Variants in MACROD2 observed in about 807,000 individuals in gnomAD.
The protein encoded by MACROD2 is ADP-ribose glycohydrolase MACROD2.
Under a neutral mutation model 70.4 loss-of-function variants are expected in MACROD2, and 36 were observed. That is an observed-to-expected ratio of 0.51 (90% CI 0.39 to 0.68). The LOEUF (loss-of-function observed/expected upper bound fraction) is 0.68, where lower values mean the gene tolerates loss of function less well. Among genes scored for constraint, MACROD2 ranks in the 30% least tolerant of loss-of-function variants. The pLI is 0.00. For synonymous variants in MACROD2, 172 were observed against 178.8 expected (o/e 0.96, Z 0.30); for missense variants, 496 against 538.4 (o/e 0.92, Z 0.78).
chr20:14,576,344 C>G (rs1378334731), intron 4 of MACROD2, among the ~76,000 whole-genome samples: 3 of 152,180 alleles, frequency 2.0e-5, no homozygotes, highest in African/African-American at 7.2e-5. Flanking sequence ...GCATGAACCA[C>G]AAAGCCCTGC....
chr20:15,913,197 C>G (rs1418260410), intron 10 of MACROD2, among the ~76,000 whole-genome samples: 1 of 151,616 alleles, frequency 6.6e-6, no homozygotes, highest in East Asian at 1.9e-4. Context: ...AATAGATATC[C>G]ATTGTCCCTC....
At chr20:14,901,833 G>T (rs183499715) in intron 5 of MACROD2, among the ~76,000 whole-genome samples, 211 of 152,104 alleles carry the variant, frequency 1.4e-3, no homozygotes, top group African/African-American at 4.7e-3. Context: ...GGTTCTTTAG[G>T]GCTATAGGAT....
chr20:15,443,541 T>C (rs953454576), intron 7 of MACROD2, among the ~76,000 whole-genome samples: 1 of 152,156 alleles, frequency 6.6e-6, no homozygotes, highest in African/African-American at 2.4e-5. Context: ...TTTCTAAATG[T>C]TTTAAATGAA....
At chr20:14,599,079 A>G (rs964095046) in intron 4 of MACROD2, among the ~76,000 whole-genome samples, 2 of 152,162 alleles carry the variant, frequency 1.3e-5, no homozygotes, top group Non-Finnish European at 2.9e-5. Flanking sequence ...AGGGTGAGGC[A>G]TTAACCATCT....
At chr20:15,345,166 G>A (rs904110385) in intron 6 of MACROD2, among the ~76,000 whole-genome samples, 7 of 152,254 alleles carry the variant, frequency 4.6e-5, no homozygotes, top group Admixed American at 2.0e-4. Context: ...GAAAGGGCCC[G>A]CCTTCTAATG....
intron 4 of MACROD2, among the ~76,000 whole-genome samples, chr20:14,513,869 C>G (rs1196702442): frequency 6.6e-6 from 1 of 151,918 alleles, no homozygotes; most frequent in African/African-American, 2.4e-5. Flanking sequence ...TAATGGGATG[C>G]TATTAAATTT....
intron 15 of MACROD2, among the ~76,000 whole-genome samples, chr20:15,995,877 GTA>G (rs1446699323): frequency 3.6e-5 from 5 of 137,402 alleles, no homozygotes; most frequent in Non-Finnish European, 8.0e-5. Context: ...GTGTGTGTGT[GTA>G]TGTGTGTGTC....
chr20:14,255,930 G>A (rs1297223317), intron 3 of MACROD2, among the ~76,000 whole-genome samples: 2 of 151,450 alleles, frequency 1.3e-5, no homozygotes, highest in African/African-American at 4.8e-5. Flanking sequence ...TCTTTTTGCA[G>A]TATTTCATAG....
intron 4 of MACROD2, among the ~76,000 whole-genome samples, chr20:14,613,886 A>T (rs948376401): frequency 1.3e-5 from 2 of 152,124 alleles, no homozygotes; most frequent in Admixed American, 1.3e-4. Context: ...CTGCCTATGT[A>T]AACCCATCGT....
At chr20:15,593,500 T>G (rs898224362) in intron 8 of MACROD2, among the ~76,000 whole-genome samples, 4 of 152,024 alleles carry the variant, frequency 2.6e-5, no homozygotes, top group Non-Finnish European at 5.9e-5. Context: ...AAGGCAGACA[T>G]TATTGTTTTT....
Position 15,070,587 on chromosome 20 carries a change from C to T in MACROD2, c.419-159353C>T, listed in dbSNP as rs555199219. On this transcript the variant is annotated intron_variant, in intron 5 of 17. Transcript: ENST00000684519. ...TGGTGTCCTCCCCATAGTTTCAGTT[C>T]ATGCAAGAGTTACTTGTTTAAAAGA... Among the ~76,000 whole-genome samples, 290 of 152,218 alleles carry T rather than the reference C, an allele frequency of 1.9e-3. 3 individuals are homozygous for T. The highest frequency in any genetic ancestry group is 9.7e-4 in the East Asian group (5 of 5,168).
rs922847291 is a variant in MACROD2, at chr20:16,052,191, T to C, written c.*2315T>C. 19 of 152,364 alleles carry C rather than the reference T, an allele frequency of 1.2e-4. No homozygotes were observed. The highest frequency in any genetic ancestry group is 4.6e-4 in the African/African-American group (19 of 41,588). The allele number at this position is 152,364 out of a possible 1,614,324, so 9.4% of individuals were successfully genotyped here. ...TTGCTTTGTCATGCTTTTTGGTTGT[T>C]ATTTGGCTATACAGTTTTATGCTTT... On this transcript the variant is annotated 3_prime_UTR_variant, in exon 18 of 18. Transcript: ENST00000684519.
rs576787309 is a variant in MACROD2, at chr20:14,496,453, G to T, written c.301+2945G>T. On this transcript the variant is annotated intron_variant, in intron 4 of 17. Transcript: ENST00000684519. ...TTAGCATTTTGTTGTTCTTTTCTGA[G>T]TGCTTACCACCAATAAGACTGATCC... Among the ~76,000 whole-genome samples the T allele has an allele frequency of 1.1e-4, 17 of 152,202 alleles. No individual in the cohort carries two copies. In the South Asian group the frequency reaches 3.5e-3, roughly 32 times the overall value.
intron 6 of MACROD2, among the ~76,000 whole-genome samples, chr20:15,422,233 T>A (rs971843482): frequency 2.6e-5 from 4 of 152,130 alleles, no homozygotes; most frequent in Non-Finnish European, 5.9e-5. Flanking sequence ...CTATTTAGTC[T>A]TTAAAATGTA....
intron 4 of MACROD2, among the ~76,000 whole-genome samples, chr20:14,548,168 G>A (rs1376047258): frequency 2.6e-5 from 4 of 152,278 alleles, no homozygotes; most frequent in African/African-American, 7.2e-5. Flanking sequence ...TTCACATTTT[G>A]TATCTGACTT....
chr20:14,258,372 C>T (rs979998831), intron 3 of MACROD2, among the ~76,000 whole-genome samples: 2 of 140,528 alleles, frequency 1.4e-5, no homozygotes, highest in Non-Finnish European at 3.0e-5. Context: ...TTCACCACAT[C>T]CTTGCCAACA....
At chr20:15,203,465 T>C (rs1381899781) in intron 5 of MACROD2, among the ~76,000 whole-genome samples, 1 of 152,176 alleles carries the variant, frequency 6.6e-6, no homozygotes, top group African/African-American at 2.4e-5. Context: ...ATTTGTACTT[T>C]AGATTCACAT....
At chr20:14,695,969 A>C (rs1424463988) in intron 5 of MACROD2, among the ~76,000 whole-genome samples, 1 of 152,210 alleles carries the variant, frequency 6.6e-6, no homozygotes, top group Non-Finnish European at 1.5e-5. Flanking sequence ...AGCAGGGGAA[A>C]GGGCTCACTA....
At chr20:14,137,494 A>G (rs2054814780) in intron 3 of MACROD2, among the ~76,000 whole-genome samples, 2 of 152,204 alleles carry the variant, frequency 1.3e-5, no homozygotes, top group Admixed American at 1.3e-4. Context: ...GTGATTAACT[A>G]TTGTTTGACA....
Sources: allele counts gnomAD v4.1 joint callset (sites outside exome capture counted in the v4.1 genomes callset), GRCh38; gene constraint gnomAD v4.1.1; transcripts MANE v1.5; gene names NCBI Gene and HGNC (gene_info 2026-07-23, HGNC 2026-07-21).